GRIK2: variants seen among roughly 807,000 people sequenced by gnomAD.
The protein encoded by GRIK2 is glutamate ionotropic receptor kainate type subunit 2.
GRIK2 carries 32 observed loss-of-function variants against 100.3 expected under a neutral mutation model. That is an observed-to-expected ratio of 0.32 (90% CI 0.24 to 0.43). The LOEUF (loss-of-function observed/expected upper bound fraction) is 0.43. Ranked by LOEUF, GRIK2 falls within the 20% of genes least tolerant of loss-of-function variation. GRIK2 has a pLI of 1.00. For missense variants in GRIK2, 843 were observed against 1,114.9 expected (o/e 0.76, Z 3.47); for synonymous variants, 417 against 389.4 (o/e 1.07, Z -0.83).
At chr6:101,948,362 C>A (rs1791400815) in intron 14 of GRIK2, among the ~76,000 whole-genome samples, 1 of 150,322 alleles carries the variant, frequency 6.7e-6, no homozygotes, top group Admixed American at 6.7e-5. Context: ...TGACATAAGC[C>A]ACAAGTTACT....
chr6:101,884,322 C>T (rs1193987334), intron 11 of GRIK2, among the ~76,000 whole-genome samples: 1 of 152,096 alleles, frequency 6.6e-6, no homozygotes, highest in Non-Finnish European at 1.5e-5. Flanking sequence ...CATTTAACAA[C>T]ATCATGGAAA....
intron 7 of GRIK2, among the ~76,000 whole-genome samples, chr6:101,691,303 CTT>C (rs367732807): frequency 1.1e-4 from 15 of 141,016 alleles, no homozygotes; most frequent in Admixed American, 1.4e-4. Context: ...ACTTTTTTTT[CTT>C]TTTTTTTTTT....
chr6:102,021,058 A>G (rs1274657511), intron 14 of GRIK2, among the ~76,000 whole-genome samples: 1 of 151,884 alleles, frequency 6.6e-6, no homozygotes, highest in East Asian at 1.9e-4. Flanking sequence ...TATGGGAAGT[A>G]AAGATGGTAA....
chr6:101,988,155 G>A (rs1313560976), intron 14 of GRIK2, among the ~76,000 whole-genome samples: 24 of 7,320 alleles, frequency 3.3e-3, no homozygotes, highest in African/African-American at 5.4e-3. Context: ...GCGCGCGCGC[G>A]TGCGCGCACA....
intron 14 of GRIK2, among the ~76,000 whole-genome samples, chr6:101,949,885 G>T (rs1210916042): frequency 6.6e-6 from 1 of 152,076 alleles, no homozygotes; most frequent in Non-Finnish European, 1.5e-5. Context: ...TAATGGGATT[G>T]CTGGGCCAAA....
chr6:101,948,627 T>C (rs894040626), intron 14 of GRIK2, among the ~76,000 whole-genome samples: 5 of 151,096 alleles, frequency 3.3e-5, no homozygotes, highest in African/African-American at 1.2e-4. Context: ...GAATAAAATG[T>C]TAAAAGGTTT....
At chr6:101,486,395 G>C (rs529596352) in intron 2 of GRIK2, among the ~76,000 whole-genome samples, 1 of 137,670 alleles carries the variant, frequency 7.3e-6, no homozygotes, top group African/African-American at 2.6e-5. Context: ...GTGGGGCGGG[G>C]GGGGGAAGCT....
chr6:101,519,863 A>G (rs987742778), intron 2 of GRIK2, among the ~76,000 whole-genome samples: 3 of 152,166 alleles, frequency 2.0e-5, no homozygotes, highest in Non-Finnish European at 2.9e-5. Flanking sequence ...TATGGTTTCC[A>G]ACATGGGTAG....
chr6:102,031,004 A>T (rs1769955788), intron 14 of GRIK2, among the ~76,000 whole-genome samples: 1 of 150,308 alleles, frequency 6.7e-6, no homozygotes, highest in Admixed American at 6.7e-5. Flanking sequence ...TCAAGTGTAA[A>T]CCAGAAACCA....
chr6:101,832,622 G>A (rs1003471833), intron 10 of GRIK2, among the ~76,000 whole-genome samples: 2 of 152,146 alleles, frequency 1.3e-5, no homozygotes, highest in African/African-American at 2.4e-5. Context: ...GAAGAGCTAC[G>A]TATGATGTTC....
chr6:101,611,749 C>T (rs1779686242), intron 2 of GRIK2, among the ~76,000 whole-genome samples: 1 of 151,732 alleles, frequency 6.6e-6, no homozygotes, highest in South Asian at 2.1e-4. Flanking sequence ...GTACATTACG[C>T]TATATACTTT....
chr6:101,849,760 A>G (rs1362305621), intron 10 of GRIK2, among the ~76,000 whole-genome samples: 2 of 147,800 alleles, frequency 1.4e-5, no homozygotes, highest in East Asian at 2.1e-4. Context: ...TTTTTTTGTA[A>G]CCATTATGTC....
At chr6:102,064,576 A>G (rs1771924553) in intron 16 of GRIK2, among the ~76,000 whole-genome samples, 1 of 150,992 alleles carries the variant, frequency 6.6e-6, no homozygotes, top group Non-Finnish European at 1.5e-5. Context: ...TCCAATAAAA[A>G]GATTTAAAAT....
intron 14 of GRIK2, among the ~76,000 whole-genome samples, chr6:102,031,170 T>A (rs1255366411): frequency 1.4e-5 from 2 of 145,198 alleles, no homozygotes; most frequent in Non-Finnish European, 3.0e-5. Flanking sequence ...CCAACACCAT[T>A]TCCAGAGTCC....
In GRIK2 at chr6:101,928,445, C is replaced by G; in HGVS notation, c.1898C>G (p.Thr633Ser). Reference sequence around the variant, plus strand: ...GAGCTCATGCCCAAAGCACTGTCCACCAGGATAGTGGGAGGCATTTGGTGG... The same window carrying G: ...GAGCTCATGCCCAAAGCACTGTCCAGCAGGATAGTGGGAGGCATTTGGTGG... Reference protein sequence around the residue: ...GSELMPKALSTRIVGGIWWFF... With the variant: ...GSELMPKALSSRIVGGIWWFF... The change falls in exon 14 of 17, where the codon ACC (threonine) becomes AGC (serine). Residue 633 changes from threonine (T) to serine (S), a missense_variant. Physicochemically the swap from Thr to Ser is moderately conservative, Grantham distance 58. This residue lies in a region of GRIK2 where 237 missense variants were observed against 388.0 expected (regional missense o/e 0.61). Coordinates refer to ENST00000369134, the MANE Select transcript of GRIK2 (RefSeq NM_021956.5). 1 of 1,601,588 alleles carries G rather than the reference C, an allele frequency of 6.2e-7. No individual in the cohort carries two copies. The highest frequency in any genetic ancestry group is 8.6e-7 in the Non-Finnish European group (1 of 1,168,684).
Position 102,050,065 on chromosome 6 carries a change from C to T in GRIK2, c.2312-5265C>T, listed in dbSNP as rs141825890. Among the ~76,000 whole-genome samples, 402 of 151,578 alleles carry T rather than the reference C, an allele frequency of 2.7e-3. 1 individual carries two copies. The highest frequency in any genetic ancestry group is 9.2e-3 in the African/African-American group (380 of 41,294). The stretch of plus-strand genomic sequence containing the variant: ...CTTTATTAGTCCTATATTATCTAGA[C>T]GTAATGAAATAAGATAAAGAGAAAA... On this transcript the variant is annotated intron_variant, in intron 15 of 16. Transcript: ENST00000369134.
chr6:101,818,330 C>A (rs775987807), intron 9 of GRIK2, 40 bp from the exon 10 acceptor site: 1 of 1,105,562 alleles, frequency 9.0e-7, no homozygotes, highest in Admixed American at 1.7e-5. Context: ...CTACCACGTG[C>A]CTGATGGACA....
intron 10 of GRIK2, among the ~76,000 whole-genome samples, chr6:101,836,800 G>A (rs1032355044): frequency 6.6e-5 from 10 of 150,486 alleles, no homozygotes; most frequent in African/African-American, 2.2e-4. Context: ...CGAGTAGCTG[G>A]GACTACAAAT....
At chr6:101,938,120 A>C (rs912622822) in intron 14 of GRIK2, among the ~76,000 whole-genome samples, 37 of 150,976 alleles carry the variant, frequency 2.5e-4, no homozygotes, top group African/African-American at 8.2e-4. Context: ...ACCACATACT[A>C]GTTAAGTTTT....
Sources: gnomAD v4.1 joint callset for allele counts (sites outside exome capture counted in the v4.1 genomes callset) on GRCh38, gnomAD v4.1.1 for gene constraint, gnomAD v4.1.1 regional missense constraint, MANE v1.5 for transcripts, NCBI Gene and HGNC (gene_info 2026-07-23, HGNC 2026-07-21) for gene names.